Variants in TMEM120A observed in about 807,000 individuals in gnomAD.
TMEM120A encodes ion channel TACAN.
TMEM120A carries 45 observed loss-of-function variants against 54.3 expected under a neutral mutation model. The ratio of observed to expected loss-of-function variants is 0.83; its 90% CI spans 0.65 to 1.06. The LOEUF (loss-of-function observed/expected upper bound fraction) is 1.06, where lower values mean the gene tolerates loss of function less well. Among genes scored for constraint, TMEM120A ranks in the 50% least tolerant of loss-of-function variants. The probability of loss-of-function intolerance (pLI) is 0.00; values close to 1 mark genes in which losing one functional copy is unlikely to be tolerated. For missense variants in TMEM120A, 424 were observed against 441.7 expected, an observed-to-expected ratio of 0.96 and a Z score of 0.36; for synonymous variants, 204 against 178.5, an observed-to-expected ratio of 1.14 and a Z score of -1.14.
intron 2 of TMEM120A, 39 bp from the exon 3 acceptor site, chr7:75,992,299 C>G (rs781947882): frequency 2.5e-6 from 4 of 1,571,010 alleles, no homozygotes; most frequent in Non-Finnish European, 3.5e-6. Context: ...CAAGAGGACT[C>G]CCAAGTGTCC....
chr7:75,988,244 C>G lies in TMEM120A; in HGVS notation c.563+8G>C. ...ATGCTCCCCTCCCTCAGGGCCCGCCCTGCCCACCGGGAGCCGTTGTTGATG... is the reference window on the plus strand; with the variant it reads ...ATGCTCCCCTCCCTCAGGGCCCGCCGTGCCCACCGGGAGCCGTTGTTGATG... On this transcript the variant is annotated splice_region_variant and intron_variant, in intron 6 of 11. Transcript: ENST00000493111. 2 of 1,611,940 alleles carry G rather than the reference C, an allele frequency of 1.2e-6. No individual in the cohort carries two copies.
At chr7:75,988,037 C>T (rs1409905676) in intron 7 of TMEM120A, 46 bp downstream of exon 7, 24 of 1,595,754 alleles carry the variant, frequency 1.5e-5, no homozygotes, top group Non-Finnish European at 2.0e-5. Flanking sequence ...GCCGTGTATC[C>T]CCTCCTTGTC....
Position 75,992,549 on chromosome 7 carries a change from ATGGGTCT to A in TMEM120A, c.83_89del (p.Glu28ValfsTer6), listed in dbSNP as rs1789888333. 1.2e-5 allele frequency: 19 copies of A among 1,575,672 alleles called. No individual in the cohort carries two copies. Among genetic ancestry groups the A allele is most frequent in the Non-Finnish European group, 1.5e-5 (17 of 1,161,968 alleles). On this transcript the variant is annotated frameshift_variant and splice_region_variant, in exon 2 of 12. Coordinates refer to ENST00000493111, the MANE Select transcript of TMEM120A (RefSeq NM_031925.3). LOFTEE classifies it high-confidence loss of function. ...CCTCCAGCTTCAGGCGGTAGAGCCG[ATGGGTCT>A]CCTGGGGGCCGGAGGGGAGAGGCTC...
chr7:75,987,933 G>A lies in TMEM120A; in HGVS notation c.681C>T (p.Ser227=), dbSNP rs1554560405. The change falls in exon 8 of 12, where the codon TCC becomes TCT. Residue 227 remains serine, a synonymous_variant. Transcript: ENST00000493111. ...QKFRNQFLSF[S]MYQSFVQFLQ... Reference sequence around the variant, plus strand: ...ATCTGGGACACTCACTCTGGTACATGGAAAAGGAGAGGAATTGGTTCCGGA... The same window carrying A: ...ATCTGGGACACTCACTCTGGTACATAGAAAAGGAGAGGAATTGGTTCCGGA... 6.2e-7 allele frequency: 1 copy of A among 1,603,426 alleles called. No homozygotes were observed. Among genetic ancestry groups the A allele is most frequent in the East Asian group, 2.2e-5 (1 of 44,520 alleles).
chr7:75,991,286 A>T (rs1010298676), intron 3 of TMEM120A, among the ~76,000 whole-genome samples: 3 of 152,012 alleles, frequency 2.0e-5, no homozygotes, highest in Non-Finnish European at 4.4e-5. Context: ...AAAGCCTCTG[A>T]TCTCTTGGCT....
rs908631669 is a variant in TMEM120A at position 75,992,559 on chromosome 7, T to C, written c.82-2A>G. On this transcript the variant is annotated splice_acceptor_variant, in intron 1 of 11. Coordinates refer to ENST00000493111, the MANE Select transcript of TMEM120A (RefSeq NM_031925.3). LOFTEE classifies it high-confidence loss of function. ...CAGGCGGTAGAGCCGATGGGTCTCC[T>C]GGGGGCCGGAGGGGAGAGGCTCAGG... 21 of 1,565,444 alleles carry C rather than the reference T, an allele frequency of 1.3e-5. No homozygotes were observed. The highest frequency in any genetic ancestry group is 1.6e-5 in the Non-Finnish European group (19 of 1,156,658).
chr7:75,988,614 G>A, intron 4 of TMEM120A, 98 bp from the exon 5 acceptor site: 2 of 602,786 alleles, frequency 3.3e-6, no homozygotes, highest in Admixed American at 2.4e-5. Flanking sequence ...GTCGGATGGA[G>A]GAGAAGGCCG....
chr7:75,991,736 G>A (rs1789850871), intron 3 of TMEM120A, among the ~76,000 whole-genome samples: 1 of 151,970 alleles, frequency 6.6e-6, no homozygotes, highest in African/African-American at 2.4e-5. Flanking sequence ...AGAGACATAG[G>A]GTCTCAGTAT....
rs1789640054 is a variant in TMEM120A, at chr7:75,988,361, A to AGGGTTGGTACTGCAGCGACTGGGGATG, written c.473+33_474-21dup. ...GTCACCCTGCGGAGGGAGGGGACCG[A>AGGGTTGGTACTGCAGCGACTGGGGATG]GGGTTGGTACTGCAGCGACTGGGGA... On this transcript the variant is annotated intron_variant, in intron 5 of 11. Transcript: ENST00000493111. 2 of 1,364,214 alleles carry AGGGTTGGTACTGCAGCGACTGGGGATG rather than the reference A, an allele frequency of 1.5e-6. No homozygotes were observed. The highest frequency in any genetic ancestry group is 3.0e-5 in the African/African-American group (2 of 65,826). 84.5% of individuals were successfully genotyped at this position (1,364,214 alleles called of 1,614,324 possible). A position where few individuals can be genotyped will look rare whatever the true frequency, so the allele number is the denominator to read the frequency against.
Position 75,987,136 on chromosome 7 carries a change from AGAAGCCCCTCTGGGCCGGCAGGG to A in TMEM120A, c.*13_*35del. 2 of 1,530,902 alleles carry A rather than the reference AGAAGCCCCTCTGGGCCGGCAGGG, an allele frequency of 1.3e-6. No homozygotes were observed. The highest frequency in any genetic ancestry group is 1.2e-5 in the South Asian group (1 of 84,330). 94.8% of individuals were successfully genotyped at this position (1,530,902 alleles called of 1,614,324 possible). A position where few individuals can be genotyped will look rare whatever the true frequency, so the allele number is the denominator to read the frequency against. On this transcript the variant is annotated 3_prime_UTR_variant, in exon 12 of 12. Coordinates refer to ENST00000493111, the MANE Select transcript of TMEM120A (RefSeq NM_031925.3). The stretch of plus-strand genomic sequence containing the variant: ...CATCCCCTCCCACAACACACAGGAC[AGAAGCCCCTCTGGGCCGGCAGGG>A]GAAGGCCCAGCCTCAATCCTTCTTG...
chr7:75,988,580 G>A (rs1486804503), intron 4 of TMEM120A, 64 bp from the exon 5 acceptor site: 89 of 1,221,780 alleles, frequency 7.3e-5, no homozygotes, highest in Middle Eastern at 2.7e-4. Context: ...CCCCCACCCC[G>A]GGAGGGCAGC....
Position 75,989,147 on chromosome 7 carries a change from G to A in TMEM120A, c.377+18C>T. On this transcript the variant is annotated intron_variant, in intron 4 of 11. Transcript: ENST00000493111. Reference sequence around the variant, plus strand: ...GTGGAGGGGTGGAGGTTGGGGGGTGGAGGCTCGGCCTGATTACTTAGCCTG... The same window carrying A: ...GTGGAGGGGTGGAGGTTGGGGGGTGAAGGCTCGGCCTGATTACTTAGCCTG... 1 of 1,451,096 alleles carries A rather than the reference G, an allele frequency of 6.9e-7. No individual in the cohort carries two copies. The highest frequency in any genetic ancestry group is 2.5e-5 in the East Asian group (1 of 39,786). 89.9% of individuals were successfully genotyped at this position (1,451,096 alleles called of 1,614,324 possible). A position where few individuals can be genotyped will look rare whatever the true frequency, so the allele number is the denominator to read the frequency against.
chr7:75,993,365 A>T (rs906742201), intron 1 of TMEM120A, among the ~76,000 whole-genome samples: 4 of 152,204 alleles, frequency 2.6e-5, no homozygotes, highest in Admixed American at 6.5e-5. Context: ...TCCTGCTCTA[A>T]GGCCAGCCCC....
rs183996132 is a variant in TMEM120A, at chr7:75,987,882, G to C, written c.691+41C>G. ...GTTCCCTGCCCCTGCCCCCCACCAC[G>C]GGTGCCTCCAGGGCTCAGCACAGAC... On this transcript the variant is annotated intron_variant, in intron 8 of 11. Coordinates refer to ENST00000493111, the MANE Select transcript of TMEM120A (RefSeq NM_031925.3). 8.1e-5 allele frequency: 129 copies of C among 1,598,730 alleles called. No individual in the cohort carries two copies. The African/African-American group carries it at 1.6e-3, about 20-fold the overall frequency.
intron 11 of TMEM120A, 21 bp from the exon 12 acceptor site, chr7:75,987,306 G>C (rs1789553916): frequency 1.3e-6 from 2 of 1,580,102 alleles, no homozygotes; most frequent in East Asian, 4.7e-5. Context: ...AATAGGGTGA[G>C]GGCTGGACAT....
rs374974777 is a variant in TMEM120A, at chr7:75,987,209, T to A, written c.995A>T (p.Lys332Met). 1.9e-6 allele frequency: 3 copies of A among 1,608,356 alleles called. No homozygotes were observed. The African/African-American group carries it at 4.0e-5, about 21-fold the overall frequency. ...GCTCCCGTGCCGCTGACTGTGAAAC[T>A]TGTGGTGCACAACCCTCAGGGTGGT... is the stretch of plus-strand genomic sequence containing the variant. ...FFTTLRVVHH[K>M]FHSQRHGSKK... The change falls in exon 12 of 12, where the codon AAG becomes ATG. Residue 332 changes from lysine (K) to methionine (M), a missense_variant. Coordinates refer to ENST00000493111, the MANE Select transcript of TMEM120A (RefSeq NM_031925.3).
rs1554561147 is a variant in TMEM120A, at chr7:75,989,013, G to GCT, written c.377+151_377+152insAG. Among the ~76,000 whole-genome samples the GCT allele has an allele frequency of 1.2e-4, 2 of 16,882 alleles. 1 individual carries two copies. The highest frequency in any genetic ancestry group is 2.8e-4 in the Non-Finnish European group (2 of 7,228). 11.1% of individuals were successfully genotyped at this position (16,882 alleles called of 152,430 possible). ...TGGAGGGGAAGGCCGGGTGGGGTGG[G>GCT]GGGTGGAGGGGAAGGCCGGGTTGGG... On this transcript the variant is annotated intron_variant, in intron 4 of 11. Coordinates refer to ENST00000493111, the MANE Select transcript of TMEM120A (RefSeq NM_031925.3).
intron 1 of TMEM120A, among the ~76,000 whole-genome samples, chr7:75,993,517 C>A (rs1419360858): frequency 6.6e-6 from 1 of 152,348 alleles, no homozygotes. Context: ...AGGACAGCGG[C>A]GGCCAGGCGG....
At chr7:75,994,459 G>A (rs2116681121) in intron 1 of TMEM120A, 31 bp downstream of exon 1, 1 of 1,546,438 alleles carries the variant, frequency 6.5e-7, no homozygotes, top group Non-Finnish European at 8.7e-7. Flanking sequence ...ACGCGGCTCG[G>A]GGGCGACCCG....
Sources: gnomAD v4.1 joint callset for allele counts (sites outside exome capture counted in the v4.1 genomes callset) on GRCh38, gnomAD v4.1.1 for gene constraint, MANE v1.5 for transcripts, NCBI Gene and HGNC (gene_info 2026-07-23, HGNC 2026-07-21) for gene names.